CNNM1: variants seen among roughly 807,000 people sequenced by gnomAD.
The protein encoded by CNNM1 is metal transporter CNNM1.
In CNNM1, 44 loss-of-function variants were observed where a neutral mutation model predicts 78.8. The observed-to-expected ratio is 0.56, with a 90% confidence interval of 0.44 to 0.72. The LOEUF (loss-of-function observed/expected upper bound fraction) is 0.72, where lower values mean the gene tolerates loss of function less well. CNNM1 is among the 30% of genes least tolerant of loss of function. The pLI is 0.00. For synonymous variants in CNNM1, 584 were observed against 581.5 expected (o/e 1.00, Z -0.06); for missense variants, 1,101 against 1,292.2 (o/e 0.85, Z 2.27).
Position 99,357,527 on chromosome 10 carries a change from C to T in CNNM1, c.1589C>T (p.Ala530Val). Residue 530 changes from alanine to valine, a missense_variant, in exon 2 of 11, where the codon GCC becomes GTC. Around this residue, in one of 3 missense-constraint regions of CNNM1, gnomAD observed 277 missense variants for 423.2 expected, o/e 0.65. Transcript: ENST00000356713. ...TGTTCTCTAGGAAAATCTCACCTGG[C>T]CATTGTCCAGCGGGTGAATAATGAG... ...EEFKKGKSHLAIVQRVNNEGE... is the reference protein window; with the variant it reads ...EEFKKGKSHLVIVQRVNNEGE... 6.2e-7 allele frequency: 1 copy of T among 1,612,932 alleles called. No individual in the cohort carries two copies. The highest frequency in any genetic ancestry group is 8.5e-7 in the Non-Finnish European group (1 of 1,179,500).
At chr10:99,350,201 T>C (rs561354132) in intron 1 of CNNM1, among the ~76,000 whole-genome samples, 1 of 152,114 alleles carries the variant, frequency 6.6e-6, no homozygotes, top group African/African-American at 2.4e-5. Flanking sequence ...AGACACTCAA[T>C]GCTGTCTACC....
chr10:99,345,047 G>A (rs1016470837), intron 1 of CNNM1, among the ~76,000 whole-genome samples: 1 of 152,180 alleles, frequency 6.6e-6, no homozygotes, highest in African/African-American at 2.4e-5. Flanking sequence ...AGAGCACAAG[G>A]TCAAGAGGCA....
Position 99,357,662 on chromosome 10 carries a change from G to A in CNNM1, c.1717+7G>A. On this transcript the variant is annotated splice_region_variant and intron_variant, in intron 2 of 10. Transcript: ENST00000356713. ...GATGAAACTGATCTCTACAGTAAGTGCACGGCCTTGGCTGTTCTCCAGGGT... is the reference window on the plus strand; with the variant it reads ...GATGAAACTGATCTCTACAGTAAGTACACGGCCTTGGCTGTTCTCCAGGGT... 5 of 1,599,850 alleles carry A rather than the reference G, an allele frequency of 3.1e-6. No individual in the cohort carries two copies. Among genetic ancestry groups the A allele is most frequent in the Non-Finnish European group, 3.4e-6 (4 of 1,173,008 alleles).
intron 1 of CNNM1, among the ~76,000 whole-genome samples, chr10:99,347,942 C>T (rs2030772106): frequency 6.6e-6 from 1 of 152,090 alleles, no homozygotes; most frequent in African/African-American, 2.4e-5. Flanking sequence ...TTCTCTCACT[C>T]CCACACACTC....
At position 99,393,088 on chromosome 10, in the gene CNNM1, C is replaced by A. The variant is rs1393634046; in HGVS notation, c.*1572C>A. The A allele has an allele frequency of 6.6e-6, 1 of 152,228 alleles. No individual in the cohort carries two copies. Among genetic ancestry groups the A allele is most frequent in the African/African-American group, 2.4e-5 (1 of 41,448 alleles). The allele number at this position is 152,228 out of a possible 1,614,324, so 9.4% of individuals were successfully genotyped here. On this transcript the variant is annotated 3_prime_UTR_variant, in exon 11 of 11. Transcript: ENST00000356713. ...AACTATCTCCCTTTCTGATCTGTCT[C>A]CTACTCTTTAGATGTTCTCAGTCAA...
At chr10:99,388,108 T>G (rs1489551309) in intron 8 of CNNM1, 44 bp from the exon 9 acceptor site, 8 of 1,610,054 alleles carry the variant, frequency 5.0e-6, no homozygotes, top group Non-Finnish European at 6.8e-6. Flanking sequence ...GAGCCCTGGG[T>G]CTTCTCCAAA....
Position 99,377,509 on chromosome 10 carries a change from C to T in CNNM1, c.2340+291C>T, listed in dbSNP as rs564461958. ...TGCCTGACACAAATTGCTGCCAGAA[C>T]CATTTCCTTTGCATCCCCTACCATT... On this transcript the variant is annotated intron_variant, in intron 7 of 10. Transcript: ENST00000356713. 9.5e-4 allele frequency among the ~76,000 whole-genome samples: 144 copies of T among 152,268 alleles called. 1 individual carries two copies. Among genetic ancestry groups the T allele is most frequent in the African/African-American group, 3.2e-3 (132 of 41,554 alleles).
At chr10:99,362,861 A>G (rs1479205706) in intron 4 of CNNM1, among the ~76,000 whole-genome samples, 1 of 152,148 alleles carries the variant, frequency 6.6e-6, no homozygotes, top group Non-Finnish European at 1.5e-5. Flanking sequence ...CTGGAGGTAC[A>G]TGGGACACAT....
chr10:99,345,362 G>A (rs757965261), intron 1 of CNNM1, among the ~76,000 whole-genome samples: 7 of 152,110 alleles, frequency 4.6e-5, no homozygotes, highest in Admixed American at 2.0e-4. Flanking sequence ...CTTCAAAAGC[G>A]TGGATTTTAA....
chr10:99,330,042 C>G lies in CNNM1; in HGVS notation c.655C>G (p.Leu219Val). 1.3e-6 allele frequency: 2 copies of G among 1,502,618 alleles called. No homozygotes were observed. Among genetic ancestry groups the G allele is most frequent in the Non-Finnish European group, 1.8e-6 (2 of 1,136,348 alleles). 93.1% of individuals were successfully genotyped at this position (1,502,618 alleles called of 1,614,324 possible). The change falls in exon 1 of 11, where the codon CTG becomes GTG. Residue 219 changes from leucine (L) to valine (V), a missense_variant. Physicochemically the swap from Leu to Val is conservative, Grantham distance 32. Coordinates refer to ENST00000356713, the MANE Select transcript of CNNM1 (RefSeq NM_020348.3). Reference sequence around the variant, plus strand: ...GTTGTACGGCCCAGGCGGGGACCTGCTGCCCCCTGCGTGGCTGCGGGCGCT... The same window carrying G: ...GTTGTACGGCCCAGGCGGGGACCTGGTGCCCCCTGCGTGGCTGCGGGCGCT... The part of the protein sequence containing the change: ...PRLYGPGGDL[L>V]PPAWLRALGA...
chr10:99,365,204 G>A (rs760191841), intron 6 of CNNM1: 5 of 663,120 alleles, frequency 7.5e-6, no homozygotes, highest in Non-Finnish European at 1.4e-5. Context: ...TGTCTGGAAT[G>A]TTTTCTGCTG....
chr10:99,336,744 A>G (rs556745084), intron 1 of CNNM1, among the ~76,000 whole-genome samples: 2 of 152,316 alleles, frequency 1.3e-5, no homozygotes, highest in Admixed American at 1.3e-4. Context: ...AGACAGGTGG[A>G]TCATTTGAGG....
At chr10:99,372,206 A>G (rs1222681586) in intron 6 of CNNM1, among the ~76,000 whole-genome samples, 3 of 151,998 alleles carry the variant, frequency 2.0e-5, no homozygotes, top group Non-Finnish European at 2.9e-5. Flanking sequence ...CCTCTTCCAT[A>G]CCCTTTGCCA....
intron 1 of CNNM1, among the ~76,000 whole-genome samples, chr10:99,350,565 G>T (rs1164319593): frequency 1.3e-5 from 2 of 152,078 alleles, no homozygotes; most frequent in Non-Finnish European, 2.9e-5. Flanking sequence ...GACTTTGGAG[G>T]CTATTTTAGC....
intron 6 of CNNM1, among the ~76,000 whole-genome samples, chr10:99,372,245 T>C (rs972660633): frequency 6.6e-6 from 1 of 152,088 alleles, no homozygotes; most frequent in African/African-American, 2.4e-5. Context: ...CCTAGTGCCT[T>C]CCCCACCCAA....
intron 6 of CNNM1, among the ~76,000 whole-genome samples, chr10:99,366,192 A>G (rs1263463011): frequency 6.6e-6 from 1 of 152,184 alleles, no homozygotes; most frequent in African/African-American, 2.4e-5. Flanking sequence ...CTGGTACATT[A>G]TTATACTTAA....
At chr10:99,340,884 G>T (rs150530533) in intron 1 of CNNM1, among the ~76,000 whole-genome samples, 7 of 102,830 alleles carry the variant, frequency 6.8e-5, no homozygotes, top group African/African-American at 2.5e-4. Context: ...CTTCCTGCCT[G>T]CCTGCCTGCC....
chr10:99,354,330 A>G (rs368439400), intron 1 of CNNM1, among the ~76,000 whole-genome samples: 2 of 152,344 alleles, frequency 1.3e-5, no homozygotes, highest in East Asian at 3.9e-4. Context: ...TTTTAGAACC[A>G]CTGATGCAAG....
chr10:99,343,951 G>C (rs2030567669), intron 1 of CNNM1, among the ~76,000 whole-genome samples: 1 of 150,558 alleles, frequency 6.6e-6, no homozygotes, highest in African/African-American at 2.4e-5. Context: ...TCGAACTCCT[G>C]ACCTCAGGTG....
Sources: allele counts gnomAD v4.1 joint callset (sites outside exome capture counted in the v4.1 genomes callset), GRCh38; gene constraint gnomAD v4.1.1; regional missense constraint gnomAD v4.1.1; transcripts MANE v1.5; gene names NCBI Gene and HGNC (gene_info 2026-07-23, HGNC 2026-07-21).